Variants in VRK2 observed in about 807,000 individuals in gnomAD.
VRK2 encodes the protein serine/threonine-protein kinase VRK2.
In VRK2, 60 loss-of-function variants were observed where a neutral mutation model predicts 57.6. That is an observed-to-expected ratio of 1.04 (90% CI 0.85 to 1.29). The LOEUF (loss-of-function observed/expected upper bound fraction) is 1.29, where lower values mean the gene tolerates loss of function less well. Among genes scored for constraint, VRK2 ranks in the 50% most tolerant of loss-of-function variants. VRK2 has a pLI of 0.00. For missense variants in VRK2, 705 were observed against 588.1 expected (o/e 1.20, Z -2.06); for synonymous variants, 231 against 199.2 (o/e 1.16, Z -1.35).
intron 5 of VRK2, among the ~76,000 whole-genome samples, chr2:58,087,250 T>C (rs986868331): frequency 1.3e-5 from 2 of 152,190 alleles, no homozygotes; most frequent in African/African-American, 4.8e-5. Context: ...CAGATGTCAG[T>C]ACTTTGTTGA....
intron 2 of VRK2, among the ~76,000 whole-genome samples, chr2:58,073,650 ATATTTATATT>A (rs1216415862): frequency 1.7e-4 from 3 of 17,666 alleles, no homozygotes; most frequent in African/African-American, 7.7e-4. Flanking sequence ...ATATATATAT[ATATTTATATT>A]TATATTTATA....
Position 58,041,036 on chromosome 2 carries a change from A to AGGAGGAG in VRK2, c.-6+7484_-6+7485insGAGGAGG, listed in dbSNP as rs1308845253. 6.1e-6 allele frequency: 6 copies of AGGAGGAG among 984,980 alleles called. No homozygotes were observed. In the African/African-American group the frequency reaches 1.0e-4, roughly 17 times the overall value. The allele number at this position is 984,980 out of a possible 1,614,324, so 61.0% of individuals were successfully genotyped here. A position where few individuals can be genotyped will look rare whatever the true frequency, so the allele number is the denominator to read the frequency against. On this transcript the variant is annotated intron_variant, in intron 3 of 15. Transcript: ENST00000417641. ...CCAGCTCCTCTTCTCCTCCTTATCC[A>AGGAGGAG]GCTCATGTTTTTGGTTACTGCAGGG...
chr2:58,052,170 T>G (rs1191027795), intron 2 of VRK2, among the ~76,000 whole-genome samples: 1 of 152,212 alleles, frequency 6.6e-6, no homozygotes, highest in South Asian at 2.1e-4. Context: ...ATCTAGTTAC[T>G]TAATCCTTTG....
chr2:58,016,300 C>G (rs546376195), intron 1 of VRK2, among the ~76,000 whole-genome samples: 1 of 152,058 alleles, frequency 6.6e-6, no homozygotes, highest in Non-Finnish European at 1.5e-5. Flanking sequence ...TAATTATACA[C>G]TCTTGCAGAA....
intron 1 of VRK2, among the ~76,000 whole-genome samples, chr2:57,961,573 C>T (rs1671760115): frequency 6.6e-6 from 1 of 151,848 alleles, no homozygotes; most frequent in Non-Finnish European, 1.5e-5. Context: ...AAAACAAGGC[C>T]TTGTTTCACA....
intron 1 of VRK2, among the ~76,000 whole-genome samples, chr2:57,909,478 T>TGTG (rs1453765339): frequency 6.6e-5 from 6 of 90,336 alleles, no homozygotes; most frequent in Admixed American, 3.4e-4. Context: ...GTGTGTGTGT[T>TGTG]TTTTTTTTAG....
chr2:58,006,363 C>T (rs1475793171), intron 1 of VRK2, among the ~76,000 whole-genome samples: 1 of 152,122 alleles, frequency 6.6e-6, no homozygotes, highest in East Asian at 1.9e-4. Flanking sequence ...ATTAAAAATG[C>T]CAGACATGCC....
At chr2:57,997,791 AGG>A in intron 1 of VRK2, among the ~76,000 whole-genome samples, 1 of 152,152 alleles carries the variant, frequency 6.6e-6, no homozygotes, top group South Asian at 2.1e-4. Context: ...GCTACTCAGG[AGG>A]CTGAAGTGGG....
intron 1 of VRK2, among the ~76,000 whole-genome samples, chr2:57,909,399 A>G (rs1366710089): frequency 6.6e-6 from 1 of 152,134 alleles, no homozygotes; most frequent in Non-Finnish European, 1.5e-5. Context: ...CTCTTTCACT[A>G]TCATAAGTGA....
intron 1 of VRK2, 140 bp downstream of exon 1, chr2:58,047,008 C>T (rs1674868412): frequency 1.0e-6 from 1 of 980,860 alleles, no homozygotes; most frequent in Non-Finnish European, 1.2e-6. Flanking sequence ...CGGGCCTCAG[C>T]TCCGGCCCGG....
chr2:58,072,253 AC>A (rs1669454800), intron 2 of VRK2, among the ~76,000 whole-genome samples: 1 of 151,878 alleles, frequency 6.6e-6, no homozygotes, highest in Non-Finnish European at 1.5e-5. Flanking sequence ...CAATCTGTTT[AC>A]CTTTTACTTC....
intron 1 of VRK2, among the ~76,000 whole-genome samples, chr2:57,916,088 C>A (rs1292367338): frequency 2.0e-5 from 3 of 152,004 alleles, no homozygotes; most frequent in Non-Finnish European, 4.4e-5. Flanking sequence ...GAAATAAATA[C>A]CTCCACAAAT....
chr2:58,085,017 G>T, intron 4 of VRK2, 67 bp downstream of exon 4: 1 of 1,443,188 alleles, frequency 6.9e-7, no homozygotes, highest in Non-Finnish European at 9.2e-7. Flanking sequence ...TTGATATTTT[G>T]GTCTTTTTCT....
intron 1 of VRK2, among the ~76,000 whole-genome samples, chr2:58,013,647 G>A (rs947794991): frequency 4.5e-4 from 68 of 152,026 alleles, no homozygotes; most frequent in African/African-American, 1.6e-3. Flanking sequence ...CGAGGCGGGC[G>A]GATCACGAGG....
chr2:58,073,149 T>G (rs1323081165), intron 2 of VRK2, among the ~76,000 whole-genome samples: 1 of 152,166 alleles, frequency 6.6e-6, no homozygotes, highest in East Asian at 1.9e-4. Context: ...TCTAATTTAA[T>G]TCCATTTTGG....
At chr2:58,123,660 A>G (rs980148204) in intron 8 of VRK2, among the ~76,000 whole-genome samples, 1 of 152,034 alleles carries the variant, frequency 6.6e-6, no homozygotes, top group Non-Finnish European at 1.5e-5. Flanking sequence ...CTAGGAGTTC[A>G]AGACCAGTTT....
At chr2:58,139,470 C>G (rs1176660527) in intron 10 of VRK2, among the ~76,000 whole-genome samples, 196 bp from the exon 11 acceptor site, 2 of 152,018 alleles carry the variant, frequency 1.3e-5, no homozygotes, top group Non-Finnish European at 2.9e-5. Flanking sequence ...TTTGTCTCAT[C>G]AATTCTGTAG....
At chr2:57,980,485 T>A (rs780030189) in intron 1 of VRK2, among the ~76,000 whole-genome samples, 2 of 152,178 alleles carry the variant, frequency 1.3e-5, no homozygotes, top group Non-Finnish European at 2.9e-5. Context: ...ATGTGCTGTG[T>A]GCAGATGAAA....
chr2:57,950,617 T>G (rs554743464), intron 1 of VRK2, among the ~76,000 whole-genome samples: 1 of 152,372 alleles, frequency 6.6e-6, no homozygotes, highest in South Asian at 2.1e-4. Flanking sequence ...TCTTCGTGCC[T>G]GCTAACACAA....
Sources: allele counts gnomAD v4.1 joint callset (sites outside exome capture counted in the v4.1 genomes callset), GRCh38; gene constraint gnomAD v4.1.1; transcripts MANE v1.5; gene names NCBI Gene and HGNC (gene_info 2026-07-23, HGNC 2026-07-21).